The following SP140 variants were observed in gnomAD, a reference collection of about 807,000 sequenced individuals.
SP140 encodes nuclear body protein SP140.
A neutral mutation model predicts 125.0 loss-of-function variants in SP140; 81 were observed. The ratio of observed to expected loss-of-function variants is 0.65; its 90% CI spans 0.54 to 0.78. SP140 has a LOEUF of 0.78. SP140 is among the 30% of genes least tolerant of loss of function. SP140 has a pLI of 0.00. For missense variants in SP140, 858 were observed against 1,037.0 expected (o/e 0.83, Z 2.37); for synonymous variants, 312 against 354.0 (o/e 0.88, Z 1.33).
At chr2:230,188,743 T>G in the SP140 span, among the ~76,000 whole-genome samples, 12 of 152,206 alleles carry the variant, frequency 7.9e-5, no homozygotes, top group Admixed American at 7.9e-4. Flanking sequence ...ATTGAAATGA[T>G]CTATGGTTTT....
chr2:230,316,397 T>G (rs552548847), downstream of SP140, among the ~76,000 whole-genome samples: 6 of 152,296 alleles, frequency 3.9e-5, no homozygotes, highest in Admixed American at 2.0e-4. Context: ...AGAATCACCA[T>G]GGTTGACATT....
upstream of SP140, among the ~76,000 whole-genome samples, chr2:230,223,271 G>A (rs1292092264): frequency 6.6e-6 from 1 of 152,046 alleles, no homozygotes; most frequent in East Asian, 1.9e-4. Flanking sequence ...TCCTGACCTC[G>A]TGATCTGCCT....
At chr2:230,315,732 A>G, downstream of SP140, among the ~76,000 whole-genome samples, 1 of 152,136 alleles carries the variant, frequency 6.6e-6, no homozygotes, top group East Asian at 1.9e-4. Context: ...AGTGATAGAG[A>G]TTAGTGCCAC....
chr2:230,249,768 G>A (rs2114589), intron 9 of SP140, among the ~76,000 whole-genome samples: 93,452 of 151,990 alleles, frequency 0.61, 28,983 homozygotes, highest in Middle Eastern at 0.66. Context: ...CAAGGAAAGG[G>A]GCAGGTCGAG....
At chr2:230,293,607 G>A (rs76550567) in intron 20 of SP140, among the ~76,000 whole-genome samples, 2,540 of 151,754 alleles carry the variant, frequency 0.017, 93 homozygotes, top group African/African-American at 0.059. Context: ...AAATGCTGGG[G>A]TTACAGGCGA....
chr2:230,224,251 C>T (rs2046057381), upstream of SP140, among the ~76,000 whole-genome samples: 1 of 152,100 alleles, frequency 6.6e-6, no homozygotes, highest in Admixed American at 6.5e-5. Context: ...CAAAAATGTC[C>T]AGTTCATTGG....
At chr2:230,195,030 C>A in the SP140 span, among the ~76,000 whole-genome samples, 1 of 151,766 alleles carries the variant, frequency 6.6e-6, no homozygotes, top group African/African-American at 2.4e-5. Flanking sequence ...AACAATTTCA[C>A]TTTTCTTCCT....
chr2:230,240,990 C>T (rs2048644060), intron 3 of SP140, among the ~76,000 whole-genome samples: 1 of 152,126 alleles, frequency 6.6e-6, no homozygotes, highest in Non-Finnish European at 1.5e-5. Context: ...ACTGTTATCA[C>T]ATAGAGCAAC....
intron 18 of SP140, among the ~76,000 whole-genome samples, chr2:230,289,020 C>G (rs1310107378): frequency 6.6e-6 from 1 of 152,156 alleles, no homozygotes; most frequent in Non-Finnish European, 1.5e-5. Flanking sequence ...ATTTCTGGTT[C>G]TAGATCCTTG....
chr2:230,191,417 T>A, the SP140 span, among the ~76,000 whole-genome samples: 1 of 151,404 alleles, frequency 6.6e-6, no homozygotes, highest in African/African-American at 2.4e-5. Context: ...GAGAGAAGAA[T>A]CAAATAGACA....
chr2:230,186,552 G>C, the SP140 span, among the ~76,000 whole-genome samples: 1 of 152,026 alleles, frequency 6.6e-6, no homozygotes, highest in South Asian at 2.1e-4. Context: ...GTGGTTTTTG[G>C]TTACATGGAT....
At chr2:230,299,299 C>A (rs936342054) in intron 22 of SP140, among the ~76,000 whole-genome samples, 1 of 152,178 alleles carries the variant, frequency 6.6e-6, no homozygotes, top group Non-Finnish European at 1.5e-5. Context: ...CACCTCTGAA[C>A]ACATATCCTC....
intron 1 of SP140, among the ~76,000 whole-genome samples, chr2:230,207,374 C>T (rs1393417983): frequency 6.6e-6 from 1 of 152,064 alleles, no homozygotes; most frequent in Non-Finnish European, 1.5e-5. Context: ...AATTATTTTC[C>T]CTGACCAGAT....
intron 11 of SP140, among the ~76,000 whole-genome samples, chr2:230,254,513 C>T (rs1284968014): frequency 6.6e-6 from 1 of 152,174 alleles, no homozygotes; most frequent in African/African-American, 2.4e-5. Context: ...TATCTTGGGA[C>T]CTTCTTTATT....
At chr2:230,265,592 G>A (rs2052976781) in intron 12 of SP140, among the ~76,000 whole-genome samples, 1 of 152,114 alleles carries the variant, frequency 6.6e-6, no homozygotes, top group Non-Finnish European at 1.5e-5. Flanking sequence ...CCTTCTAGGG[G>A]ACCCAGCCAC....
intron 1 of SP140, among the ~76,000 whole-genome samples, chr2:230,206,204 G>C (rs1208006317): frequency 6.6e-6 from 1 of 152,082 alleles, no homozygotes; most frequent in Non-Finnish European, 1.5e-5. Flanking sequence ...TTTACAGCTA[G>C]AGTTGTCTAC....
chr2:230,290,068 C>T (rs749975056), intron 18 of SP140, among the ~76,000 whole-genome samples: 2 of 152,122 alleles, frequency 1.3e-5, no homozygotes, highest in Non-Finnish European at 2.9e-5. Context: ...AATGGGGAGA[C>T]TGAATATGAT....
At chr2:230,222,617 G>A (rs1022376683), upstream of SP140, among the ~76,000 whole-genome samples, 2 of 151,826 alleles carry the variant, frequency 1.3e-5, no homozygotes, top group Non-Finnish European at 2.9e-5. Context: ...CCCGCTATCA[G>A]GGAGACAGAA....
chr2:230,272,253 G>A (rs946750523), intron 15 of SP140, among the ~76,000 whole-genome samples: 4 of 152,132 alleles, frequency 2.6e-5, no homozygotes, highest in African/African-American at 9.7e-5. Flanking sequence ...AGCCTGAATA[G>A]CAAAGGCAAT....
Sources: allele counts gnomAD v4.1 joint callset (sites outside exome capture counted in the v4.1 genomes callset), GRCh38; gene constraint gnomAD v4.1.1; transcripts MANE v1.5; gene names NCBI Gene and HGNC (gene_info 2026-07-23, HGNC 2026-07-21).